The following DGKI variants were observed in gnomAD, a reference collection of about 807,000 sequenced individuals.
DGKI encodes DAG kinase iota.
Under a neutral mutation model 147.5 loss-of-function variants are expected in DGKI, and 55 were observed. The ratio of observed to expected loss-of-function variants is 0.37; its 90% confidence interval spans 0.30 to 0.47. DGKI has a LOEUF of 0.47. Among genes scored for constraint, DGKI ranks in the 20% least tolerant of loss-of-function variants. The pLI is 1.00. For synonymous variants in DGKI, 469 were observed against 477.1 expected (o/e 0.98, Z 0.22); for missense variants, 1,007 against 1,323.8 (o/e 0.76, Z 3.71).
chr7:137,732,093 T>C (rs1174842809), intron 1 of DGKI, among the ~76,000 whole-genome samples: 4 of 152,134 alleles, frequency 2.6e-5, no homozygotes, highest in African/African-American at 9.7e-5. Flanking sequence ...TTTGCCTATG[T>C]GGCAATAGCT....
rs113356142 is a variant in DGKI at position 137,513,902 on chromosome 7, G to A, written c.2248+7964C>T. 82 of 719,426 alleles carry A rather than the reference G, an allele frequency of 1.1e-4. 1 individual carries two copies. Among genetic ancestry groups the A allele is most frequent in the African/African-American group, 5.6e-4 (32 of 57,168 alleles). The allele number at this position is 719,426 out of a possible 1,614,324, so 44.6% of individuals were successfully genotyped here. On this transcript the variant is annotated intron_variant, in intron 21 of 32. Transcript: ENST00000614521. ...AAGAAGCGAATGCGCAGGCTGAAGC[G>A]CAAAAGAAGAAAGATGAGGCAGAGG...
intron 20 of DGKI, among the ~76,000 whole-genome samples, chr7:137,542,866 T>C (rs1319128132): frequency 1.3e-5 from 2 of 152,206 alleles, no homozygotes; most frequent in African/African-American, 4.8e-5. Context: ...GGCTTCGTAA[T>C]TCTGTCATAG....
chr7:137,410,995 T>C (rs1262887250), intron 29 of DGKI, among the ~76,000 whole-genome samples: 3 of 152,250 alleles, frequency 2.0e-5, no homozygotes, highest in Non-Finnish European at 4.4e-5. Context: ...TCAAGATGTT[T>C]GCAAACATTT....
At chr7:137,743,897 G>A (rs1795248982) in intron 1 of DGKI, among the ~76,000 whole-genome samples, 1 of 151,330 alleles carries the variant, frequency 6.6e-6, no homozygotes. Context: ...GCAGGAGAAT[G>A]GTGTGAACTC....
intron 20 of DGKI, among the ~76,000 whole-genome samples, chr7:137,536,638 T>C (rs1434658408): frequency 6.6e-6 from 1 of 152,142 alleles, no homozygotes; most frequent in African/African-American, 2.4e-5. Flanking sequence ...CCAACTGCAG[T>C]TTTTAAATAT....
intron 1 of DGKI, among the ~76,000 whole-genome samples, chr7:137,750,119 G>A (rs1432660376): frequency 6.6e-6 from 1 of 152,088 alleles, no homozygotes; most frequent in Non-Finnish European, 1.5e-5. Context: ...AAGAAGAAGT[G>A]GGGAAACCAG....
intron 3 of DGKI, among the ~76,000 whole-genome samples, chr7:137,657,906 A>G (rs1460375279): frequency 6.6e-6 from 1 of 152,214 alleles, no homozygotes; most frequent in Non-Finnish European, 1.5e-5. Context: ...GGGTATTTAC[A>G]CATTATCAGC....
At chr7:137,789,598 T>A (rs1396220717) in intron 1 of DGKI, among the ~76,000 whole-genome samples, 1 of 152,256 alleles carries the variant, frequency 6.6e-6, no homozygotes, top group Middle Eastern at 3.4e-3. Context: ...CTACAAAGTG[T>A]ATTTTTAAAT....
chr7:137,712,643 G>A (rs1794249967), intron 1 of DGKI, among the ~76,000 whole-genome samples: 1 of 152,178 alleles, frequency 6.6e-6, no homozygotes, highest in Admixed American at 6.5e-5. Flanking sequence ...AAGCATTGAA[G>A]ATTCCTCTTT....
chr7:137,653,492 C>G lies in DGKI; in HGVS notation c.738+1240G>C, dbSNP rs12670067. Reference sequence around the variant, plus strand: ...ACCTTCAGGGTCCAGCTCTTGCTATCTCAGATCTCATGTCTTACTCAGTAC... The same window carrying G: ...ACCTTCAGGGTCCAGCTCTTGCTATGTCAGATCTCATGTCTTACTCAGTAC... On this transcript the variant is annotated intron_variant, in intron 5 of 32. Coordinates refer to ENST00000614521, the MANE Select transcript of DGKI (RefSeq NM_001321708.2). Among the ~76,000 whole-genome samples the G allele has an allele frequency of 7.7e-4, 118 of 152,322 alleles. 4 individuals are homozygous for G. In the East Asian group the frequency reaches 0.02, roughly 26 times the overall value.
At chr7:137,486,984 C>A (rs773532319) in intron 22 of DGKI, among the ~76,000 whole-genome samples, 1 of 152,050 alleles carries the variant, frequency 6.6e-6, no homozygotes, top group African/African-American at 2.4e-5. Context: ...AAGACTCCCC[C>A]TCAAATTTTT....
At chr7:137,668,868 G>C (rs1822739881) in intron 3 of DGKI, among the ~76,000 whole-genome samples, 5 of 152,192 alleles carry the variant, frequency 3.3e-5, no homozygotes, top group African/African-American at 1.2e-4. Context: ...CTAGTACTCT[G>C]AGTTGTCTCT....
chr7:137,762,250 T>C (rs1376403296), intron 1 of DGKI, among the ~76,000 whole-genome samples: 2 of 152,208 alleles, frequency 1.3e-5, no homozygotes, highest in East Asian at 1.9e-4. Flanking sequence ...AATAGATTCC[T>C]GGGAAACACT....
At chr7:137,467,991 GAAA>G (rs58319577) in intron 24 of DGKI, among the ~76,000 whole-genome samples, 1 of 84,718 alleles carries the variant, frequency 1.2e-5, no homozygotes, top group Admixed American at 1.3e-4. Flanking sequence ...TCTCAAAAAA[GAAA>G]AAAAAAAAAA....
chr7:137,637,530 CTT>C (rs1197362822), intron 6 of DGKI, among the ~76,000 whole-genome samples: 1 of 152,212 alleles, frequency 6.6e-6, no homozygotes, highest in Non-Finnish European at 1.5e-5. Flanking sequence ...AAATAAAAAA[CTT>C]TCCTAACCAA....
intron 3 of DGKI, among the ~76,000 whole-genome samples, chr7:137,672,039 C>G (rs531745495): frequency 6.6e-6 from 1 of 152,176 alleles, no homozygotes; most frequent in South Asian, 2.1e-4. Context: ...ACAACATACA[C>G]GCTCACTCAC....
At chr7:137,714,044 A>C (rs949217257) in intron 1 of DGKI, among the ~76,000 whole-genome samples, 1 of 152,178 alleles carries the variant, frequency 6.6e-6, no homozygotes, top group African/African-American at 2.4e-5. Flanking sequence ...CCTATGACCA[A>C]ATTTATAGGA....
At chr7:137,649,987 T>C (rs1372672272) in intron 5 of DGKI, among the ~76,000 whole-genome samples, 1 of 152,036 alleles carries the variant, frequency 6.6e-6, no homozygotes, top group African/African-American at 2.4e-5. Flanking sequence ...TCTTACCACT[T>C]AGTGGAAACG....
At chr7:137,455,675 G>A (rs1814171442) in intron 27 of DGKI, among the ~76,000 whole-genome samples, 1 of 147,536 alleles carries the variant, frequency 6.8e-6, no homozygotes, top group Non-Finnish European at 1.5e-5. Flanking sequence ...CCATCTCCCT[G>A]AATTCCAAAT....
Sources: gnomAD v4.1 joint callset for allele counts (sites outside exome capture counted in the v4.1 genomes callset) on GRCh38, gnomAD v4.1.1 for gene constraint, MANE v1.5 for transcripts, NCBI Gene and HGNC (gene_info 2026-07-23, HGNC 2026-07-21) for gene names.